The following CNTNAP5 variants were observed in gnomAD, a reference collection of about 807,000 sequenced individuals.
CNTNAP5 encodes the protein contactin associated protein family member 5.
A neutral mutation model predicts 150.2 loss-of-function variants in CNTNAP5; 72 were observed. The ratio of observed to expected loss-of-function variants is 0.48; its 90% CI spans 0.40 to 0.58. The LOEUF is 0.58. CNTNAP5 is among the 20% of genes least tolerant of loss of function. The pLI is 0.00. For missense variants in CNTNAP5, 1,636 were observed against 1,626.2 expected, an observed-to-expected ratio of 1.01 and a Z score of -0.10; for synonymous variants, 672 against 619.8, an observed-to-expected ratio of 1.08 and a Z score of -1.25.
At chr2:124,798,029 G>C (rs1409706727) in intron 18 of CNTNAP5, 67 bp from the exon 19 acceptor site, 1 of 1,230,744 alleles carries the variant, frequency 8.1e-7, no homozygotes, top group African/African-American at 1.5e-5. Context: ...CGAGAAAGCA[G>C]CTAAGGTTAG....
At chr2:124,039,204 T>A (rs569182055) in intron 1 of CNTNAP5, among the ~76,000 whole-genome samples, 1 of 152,330 alleles carries the variant, frequency 6.6e-6, no homozygotes, top group East Asian at 1.9e-4. Context: ...AAATAACTGT[T>A]TTGTGAAAGC....
At chr2:124,026,453 T>G (rs1451737881) in intron 1 of CNTNAP5, among the ~76,000 whole-genome samples, 2 of 152,198 alleles carry the variant, frequency 1.3e-5, no homozygotes, top group South Asian at 2.1e-4. Flanking sequence ...TGTAGGACAT[T>G]TAATTTAATA....
At chr2:124,568,053 T>C (rs1372543908) in intron 11 of CNTNAP5, among the ~76,000 whole-genome samples, 5 of 152,218 alleles carry the variant, frequency 3.3e-5, no homozygotes, top group Non-Finnish European at 7.3e-5. Context: ...ATCTGCGTGT[T>C]GATGCCAGAT....
Position 124,466,075 on chromosome 2 carries a change from C to T in CNTNAP5, c.919-8664C>T, listed in dbSNP as rs191450214. Among the ~76,000 whole-genome samples, 15 of 152,230 alleles carry T rather than the reference C, an allele frequency of 9.9e-5. 1 individual carries two copies. Among genetic ancestry groups the T allele is most frequent in the East Asian group, 3.9e-4 (2 of 5,172 alleles). Reference sequence around the variant, plus strand: ...AACTAGACTCCATTTTTCATGCTTCCACCACCTCTCACCTGAGGCCAAAAT... The same window carrying T: ...AACTAGACTCCATTTTTCATGCTTCTACCACCTCTCACCTGAGGCCAAAAT... On this transcript the variant is annotated intron_variant, in intron 6 of 23. Coordinates refer to ENST00000682447, the MANE Select transcript of CNTNAP5 (RefSeq NM_001367498.1).
intron 3 of CNTNAP5, among the ~76,000 whole-genome samples, chr2:124,276,719 G>GAAAAA (rs569345994): frequency 1.1e-3 from 175 of 152,228 alleles, no homozygotes; most frequent in Non-Finnish European, 2.3e-3. Context: ...GCTGGTCAGG[G>GAAAAA]AAAATCTTCA....
intron 11 of CNTNAP5, 32 bp from the exon 12 acceptor site, chr2:124,609,769 A>G: frequency 1.2e-6 from 2 of 1,608,870 alleles, no homozygotes; most frequent in Non-Finnish European, 1.7e-6. Context: ...GAGCCAAGCA[A>G]AGTTTTATCT....
chr2:124,578,156 C>CAAAAAAA (rs556786620), intron 11 of CNTNAP5, among the ~76,000 whole-genome samples: 92 of 69,432 alleles, frequency 1.3e-3, no homozygotes, highest in Non-Finnish European at 1.6e-3. Flanking sequence ...ACTAAAAATA[C>CAAAAAAA]AAAAAAAAAA....
At chr2:124,079,593 T>G (rs932066081) in intron 1 of CNTNAP5, among the ~76,000 whole-genome samples, 1 of 152,202 alleles carries the variant, frequency 6.6e-6, no homozygotes, top group Non-Finnish European at 1.5e-5. Flanking sequence ...TGAAATCAGT[T>G]TAGTGAGACT....
rs1440937055 is a variant in CNTNAP5, at chr2:124,914,495, A to T, written c.*207A>T. ...TGGCCACTGCCTTCCTCTCTGATGA[A>T]CCTATCGGGTGAAAACGACCACTCA... On this transcript the variant is annotated 3_prime_UTR_variant, in exon 24 of 24. Coordinates refer to ENST00000682447, the MANE Select transcript of CNTNAP5 (RefSeq NM_001367498.1). 1 of 549,594 alleles carries T rather than the reference A, an allele frequency of 1.8e-6. No homozygotes were observed. The allele number at this position is 549,594 out of a possible 1,614,324, so 34.0% of individuals were successfully genotyped here. A position where few individuals can be genotyped will look rare whatever the true frequency, so the allele number is the denominator to read the frequency against.
At chr2:124,748,478 A>G (rs1680655029) in intron 14 of CNTNAP5, among the ~76,000 whole-genome samples, 1 of 152,188 alleles carries the variant, frequency 6.6e-6, no homozygotes, top group African/African-American at 2.4e-5. Flanking sequence ...GATCATTTCC[A>G]AATATACTTT....
intron 19 of CNTNAP5, among the ~76,000 whole-genome samples, chr2:124,827,081 C>A (rs1373793034): frequency 6.6e-6 from 1 of 152,080 alleles, no homozygotes; most frequent in Non-Finnish European, 1.5e-5. Context: ...ACACCACACC[C>A]ACCTAATATT....
At chr2:124,679,083 A>G (rs7597429) in intron 13 of CNTNAP5, among the ~76,000 whole-genome samples, 36,199 of 151,810 alleles carry the variant, frequency 0.24, 4,965 homozygotes, top group African/African-American at 0.37. Flanking sequence ...TCTTTATTAG[A>G]GGGATGAATG....
Position 124,918,875 on chromosome 2 carries a change from A to G in CNTNAP5, c.*4587A>G, listed in dbSNP as rs1032537969. The stretch of plus-strand genomic sequence containing the variant: ...TGCAGACAAACTCAAAACTTTCAGA[A>G]GTCTAGGAGGATAACTGAGTGCTAT... On this transcript the variant is annotated 3_prime_UTR_variant, in exon 24 of 24. Transcript: ENST00000682447. Among the ~76,000 whole-genome samples, 1 of 152,146 alleles carries G rather than the reference A, an allele frequency of 6.6e-6. No homozygotes were observed. Among genetic ancestry groups the G allele is most frequent in the East Asian group, 1.9e-4 (1 of 5,180 alleles).
intron 6 of CNTNAP5, among the ~76,000 whole-genome samples, chr2:124,455,051 A>C (rs1693086126): frequency 6.6e-6 from 1 of 152,186 alleles, no homozygotes; most frequent in African/African-American, 2.4e-5. Flanking sequence ...AGATCAGAGC[A>C]GAAATAAATG....
At chr2:124,419,898 TTC>T (rs1251786254) in intron 4 of CNTNAP5, among the ~76,000 whole-genome samples, 5 of 83,272 alleles carry the variant, frequency 6.0e-5, no homozygotes, top group African/African-American at 1.8e-4. Context: ...TGGATTGGTT[TTC>T]TTTCTTTCTT....
chr2:124,240,886 C>G (rs1357834522), intron 2 of CNTNAP5, among the ~76,000 whole-genome samples: 2 of 152,144 alleles, frequency 1.3e-5, no homozygotes, highest in East Asian at 3.9e-4. Context: ...CTAGAAAACT[C>G]TCAGTTACCA....
chr2:124,153,768 C>G (rs6719288), intron 1 of CNTNAP5, among the ~76,000 whole-genome samples: 1 of 151,382 alleles, frequency 6.6e-6, no homozygotes, highest in Non-Finnish European at 1.5e-5. Context: ...TGCCACCACA[C>G]CCCGCTAATT....
At chr2:124,121,181 CGCATACAG>C (rs1683552547) in intron 1 of CNTNAP5, among the ~76,000 whole-genome samples, 1 of 152,054 alleles carries the variant, frequency 6.6e-6, no homozygotes, top group Non-Finnish European at 1.5e-5. Context: ...CATGCACACA[CGCATACAG>C]ATGCATACAA....
chr2:124,252,482 T>C (rs139534373), intron 3 of CNTNAP5, among the ~76,000 whole-genome samples: 1,735 of 152,290 alleles, frequency 0.011, 30 homozygotes, highest in African/African-American at 0.034. Flanking sequence ...GCCATCTTTT[T>C]TCTGAGCCCT....
Sources: gnomAD v4.1 joint callset for allele counts (sites outside exome capture counted in the v4.1 genomes callset) on GRCh38, gnomAD v4.1.1 for gene constraint, MANE v1.5 for transcripts, NCBI Gene and HGNC (gene_info 2026-07-23, HGNC 2026-07-21) for gene names.